Variants in LDB3 observed in about 807,000 individuals in gnomAD.
LDB3 encodes the protein LIM domain binding 3.
A neutral mutation model predicts 69.0 loss-of-function variants in LDB3; 49 were observed. That is an observed-to-expected ratio of 0.71 (90% CI 0.56 to 0.90). The LOEUF (loss-of-function observed/expected upper bound fraction) is 0.90, where lower values mean the gene tolerates loss of function less well. LDB3 is among the 40% of genes least tolerant of loss of function. LDB3 has a pLI of 0.00. For missense variants in LDB3, 928 were observed against 974.1 expected, an observed-to-expected ratio of 0.95 and a Z score of 0.63; for synonymous variants, 387 against 396.2, an observed-to-expected ratio of 0.98 and a Z score of 0.28.
In LDB3 at chr10:86,675,779, C is replaced by T. The variant is rs79189733; in HGVS notation, c.94-3588C>T. Among the ~76,000 whole-genome samples, 472 of 152,320 alleles carry T rather than the reference C, an allele frequency of 3.1e-3. 3 individuals are homozygous for T. The highest frequency in any genetic ancestry group is 0.024 in the Middle Eastern group (7 of 292). On this transcript the variant is annotated intron_variant, in intron 2 of 13. Coordinates refer to ENST00000361373, the MANE Select transcript of LDB3 (RefSeq NM_007078.3). ...AAATGTTATGGTACAGCCATGGTGG[C>T]GGGTGTTCAGGTATACACTTTAGAA... is the stretch of plus-strand genomic sequence containing the variant.
intron 12 of LDB3, among the ~76,000 whole-genome samples, chr10:86,725,572 G>A (rs754705137): frequency 3.9e-5 from 6 of 152,146 alleles, no homozygotes; most frequent in Non-Finnish European, 8.8e-5. Flanking sequence ...AAATTGCAAA[G>A]CATCATATCA....
At chr10:86,700,099 T>C in intron 7 of LDB3, 1 of 974,454 alleles carries the variant, frequency 1.0e-6, no homozygotes, top group Non-Finnish European at 1.2e-6. Flanking sequence ...CAAGAGGGGC[T>C]GTGAGGGCAT....
At position 86,668,654 on chromosome 10, in the gene LDB3, AC is replaced by A. The variant is rs1249315620; in HGVS notation, c.-23-12del. On this transcript the variant is annotated splice_polypyrimidine_tract_variant and intron_variant, in intron 1 of 13. Coordinates refer to ENST00000361373, the MANE Select transcript of LDB3 (RefSeq NM_007078.3). ...AGTGCCCTCTCACTCAACCCTCTCT[AC>A]CCTTTGTCTGCAGAGGCGGCCGCTG... 6.5e-7 allele frequency: 1 copy of A among 1,530,006 alleles called. No individual in the cohort carries two copies. Among genetic ancestry groups the A allele is most frequent in the Non-Finnish European group, 9.1e-7 (1 of 1,104,484 alleles). The allele number at this position is 1,530,006 out of a possible 1,614,324, so 94.8% of individuals were successfully genotyped here.
chr10:86,708,393 G>A (rs989892067), intron 8 of LDB3, among the ~76,000 whole-genome samples: 5 of 152,192 alleles, frequency 3.3e-5, no homozygotes, highest in African/African-American at 1.2e-4. Flanking sequence ...AGCCTTTCAT[G>A]GGAGCATGGC....
At chr10:86,726,388 C>A in intron 13 of LDB3, 136 bp downstream of exon 13, 1 of 718,432 alleles carries the variant, frequency 1.4e-6, no homozygotes, top group South Asian at 1.5e-5. Context: ...CTGGCAAACA[C>A]CATGATGCCT....
chr10:86,668,277 A>G (rs1844258712), upstream of LDB3, among the ~76,000 whole-genome samples: 1 of 152,180 alleles, frequency 6.6e-6, no homozygotes, highest in Admixed American at 6.5e-5. Context: ...TACGCTCTCC[A>G]GAGGACACAG....
At chr10:86,721,107 T>C (rs1040940537) in intron 12 of LDB3, among the ~76,000 whole-genome samples, 2 of 152,182 alleles carry the variant, frequency 1.3e-5, no homozygotes, top group African/African-American at 4.8e-5. Context: ...ACCGTGCCTA[T>C]TTTTGATTCT....
chr10:86,721,653 G>T (rs7897549), intron 12 of LDB3, among the ~76,000 whole-genome samples: 8,084 of 152,240 alleles, frequency 0.053, 693 homozygotes, highest in African/African-American at 0.18. Context: ...GTTTCTCAAA[G>T]TGTGGTCCCA....
chr10:86,718,158 C>T lies in LDB3; in HGVS notation c.1857+14C>T, dbSNP rs1846944142. 6.2e-7 allele frequency: 1 copy of T among 1,612,246 alleles called. No homozygotes were observed. The highest frequency in any genetic ancestry group is 1.3e-5 in the African/African-American group (1 of 74,846). On this transcript the variant is annotated intron_variant, in intron 11 of 13. Coordinates refer to ENST00000361373, the MANE Select transcript of LDB3 (RefSeq NM_007078.3). ...AAAATTATGGGGGTAAGTGGGAGGC[C>T]TCCATTTCCTCTGACCCATGTCTCT...
At chr10:86,718,686 C>G in intron 11 of LDB3, 41 bp from the exon 12 acceptor site, 2 of 1,613,988 alleles carry the variant, frequency 1.2e-6, no homozygotes, top group Non-Finnish European at 1.7e-6. Flanking sequence ...AAGCCCGCTC[C>G]CTCTCTCCTT....
At chr10:86,729,639 T>C (rs140816932) in intron 13 of LDB3, among the ~76,000 whole-genome samples, 2,108 of 152,288 alleles carry the variant, frequency 0.014, 21 homozygotes, top group Middle Eastern at 0.041. Flanking sequence ...TGTTGCCCCC[T>C]GTGCTGGGTG....
chr10:86,697,361 A>G (rs2132434497), intron 7 of LDB3, among the ~76,000 whole-genome samples: 1 of 150,518 alleles, frequency 6.6e-6, no homozygotes, highest in East Asian at 2.0e-4. Flanking sequence ...AGCTGGGATT[A>G]CAGGCATGTG....
rs45541241 is a variant in LDB3, at chr10:86,692,501, G to A, written c.860-34G>A. On this transcript the variant is annotated intron_variant, in intron 6 of 13. Coordinates refer to ENST00000361373, the MANE Select transcript of LDB3 (RefSeq NM_007078.3). ...AGCAGCTTTCCTTGCTGTGTCTCCC[G>A]TGAGTCCCCTGACCAGCTCCTTTCT... The A allele has an allele frequency of 4.0e-3, 6,427 of 1,612,140 alleles. 15 individuals are homozygous for A. Among genetic ancestry groups the A allele is most frequent in the Non-Finnish European group, 5.0e-3 (5,864 of 1,178,168 alleles).
rs1847537960 is a variant in LDB3 at position 86,733,279 on chromosome 10, C to T, written c.*303C>T. On this transcript the variant is annotated 3_prime_UTR_variant, in exon 14 of 14. Coordinates refer to ENST00000361373, the MANE Select transcript of LDB3 (RefSeq NM_007078.3). ...AGTGAAAAGCAACAAGCAGCTTTCCCAAAGCGATACACTTGCTTTGGTCAC... is the reference window on the plus strand; with the variant it reads ...AGTGAAAAGCAACAAGCAGCTTTCCTAAAGCGATACACTTGCTTTGGTCAC... The T allele has an allele frequency of 1.1e-5, 4 of 378,608 alleles. No individual in the cohort carries two copies. In the Admixed American group the frequency reaches 1.5e-4, roughly 14 times the overall value. 23.5% of individuals were successfully genotyped at this position (378,608 alleles called of 1,614,324 possible).
chr10:86,668,132 C>T (rs1391864633), upstream of LDB3, among the ~76,000 whole-genome samples: 2 of 152,198 alleles, frequency 1.3e-5, no homozygotes. Flanking sequence ...ACCTCCAGGG[C>T]CCCATACTGG....
rs1327099665 is a variant in LDB3, at chr10:86,695,895, C to T, written c.896+3324C>T. 3.3e-5 allele frequency among the ~76,000 whole-genome samples: 5 copies of T among 152,358 alleles called. No homozygotes were observed. The East Asian group carries it at 7.7e-4, about 24-fold the overall frequency. ...GATGTAGCCCAGCATGTAACCCAGA[C>T]ATGCCCCTGATCCCTTACAAGTGCA... On this transcript the variant is annotated intron_variant, in intron 7 of 13. Transcript: ENST00000361373.
At position 86,735,297 on chromosome 10, in the gene LDB3, G is replaced by C. The variant is rs1564668044; in HGVS notation, c.*2321G>C. The C allele has an allele frequency of 6.6e-6, 1 of 151,684 alleles. No individual in the cohort carries two copies. The highest frequency in any genetic ancestry group is 2.4e-5 in the African/African-American group (1 of 41,296). The allele number at this position is 151,684 out of a possible 1,614,324, so 9.4% of individuals were successfully genotyped here. A position where few individuals can be genotyped will look rare whatever the true frequency, so the allele number is the denominator to read the frequency against. On this transcript the variant is annotated 3_prime_UTR_variant, in exon 14 of 14. Transcript: ENST00000361373. The stretch of plus-strand genomic sequence containing the variant: ...AAAAAAAACCACTTAAAAGGTAGCA[G>C]GAAAAGAAGGTAGTTTTGAGTGTGG...
At chr10:86,731,991 TTTTC>T (rs1199606007) in intron 13 of LDB3, among the ~76,000 whole-genome samples, 1 of 149,838 alleles carries the variant, frequency 6.7e-6, no homozygotes, top group Non-Finnish European at 1.5e-5. Flanking sequence ...ACTAATTTTC[TTTTC>T]TTTCTTTCTT....
At chr10:86,693,912 C>G (rs1031644813) in intron 7 of LDB3, among the ~76,000 whole-genome samples, 3 of 152,192 alleles carry the variant, frequency 2.0e-5, no homozygotes, top group Non-Finnish European at 4.4e-5. Flanking sequence ...TCACACACCC[C>G]AGAGCAAGCG....
Sources: gnomAD v4.1 joint callset for allele counts (sites outside exome capture counted in the v4.1 genomes callset) on GRCh38, gnomAD v4.1.1 for gene constraint, MANE v1.5 for transcripts, NCBI Gene and HGNC (gene_info 2026-07-23, HGNC 2026-07-21) for gene names.